Variants in CPED1 observed in about 807,000 individuals in gnomAD.
CPED1 encodes the protein cadherin-like and PC-esterase domain-containing protein 1.
In CPED1, 114 loss-of-function variants were observed where a neutral mutation model predicts 128.2. That is an observed-to-expected ratio of 0.89 (90% CI 0.76 to 1.04). The LOEUF is 1.04. Among genes scored for constraint, CPED1 ranks in the 50% least tolerant of loss-of-function variants. The pLI is 0.00. For missense variants in CPED1, 1,211 were observed against 1,207.1 expected (o/e 1.00, Z -0.05); for synonymous variants, 462 against 426.7 (o/e 1.08, Z -1.02).
chr7:121,035,344 A>G (rs1476333090), intron 3 of CPED1, among the ~76,000 whole-genome samples: 3 of 152,222 alleles, frequency 2.0e-5, no homozygotes, highest in Admixed American at 2.0e-4. Flanking sequence ...ACTAGCTAGA[A>G]GACTTTGCAG....
At chr7:121,111,632 G>A (rs1795110901) in intron 7 of CPED1, among the ~76,000 whole-genome samples, 1 of 152,194 alleles carries the variant, frequency 6.6e-6, no homozygotes, top group African/African-American at 2.4e-5. Context: ...ATGGAAGCCA[G>A]AGTGAAGTTA....
chr7:121,236,653 ATTTTAT>A, intron 16 of CPED1, 55 bp from the exon 17 acceptor site: 2 of 1,029,778 alleles, frequency 1.9e-6, no homozygotes, highest in African/African-American at 3.2e-5. Context: ...TATTTTTTAG[ATTTTAT>A]TATTATGGGT....
At chr7:121,188,448 G>A (rs1408399751) in intron 16 of CPED1, among the ~76,000 whole-genome samples, 1 of 152,028 alleles carries the variant, frequency 6.6e-6, no homozygotes, top group East Asian at 1.9e-4. Context: ...ATTTTAAAAT[G>A]TACAATTCAG....
chr7:120,995,764 A>G (rs1320518250), intron 2 of CPED1, among the ~76,000 whole-genome samples: 1 of 151,960 alleles, frequency 6.6e-6, no homozygotes, highest in African/African-American at 2.4e-5. Flanking sequence ...TCCTCACCAA[A>G]TCCATCTGGC....
intron 7 of CPED1, among the ~76,000 whole-genome samples, chr7:121,100,624 A>G (rs1278502434): frequency 6.6e-6 from 1 of 152,170 alleles, no homozygotes; most frequent in African/African-American, 2.4e-5. Flanking sequence ...ATAATCCCAA[A>G]AAGTTTAATA....
rs1795883222 is a variant in CPED1, at chr7:121,140,773, AG to A, written c.1700-53del. 51 of 1,251,204 alleles carry A rather than the reference AG, an allele frequency of 4.1e-5. 3 individuals carry two copies. The South Asian group carries it at 6.8e-4, about 17-fold the overall frequency. 77.5% of individuals were successfully genotyped at this position (1,251,204 alleles called of 1,614,324 possible). A position where few individuals can be genotyped will look rare whatever the true frequency, so the allele number is the denominator to read the frequency against. ...AAAAACCTAATCATATATTATTTAAAGATATTTACCCACTTCACAGTTGTCT... is the reference window on the plus strand; with the variant it reads ...AAAAACCTAATCATATATTATTTAAAATATTTACCCACTTCACAGTTGTCT... On this transcript the variant is annotated intron_variant, in intron 14 of 22. Transcript: ENST00000310396.
chr7:121,121,874 T>G (rs1158780109), intron 7 of CPED1, among the ~76,000 whole-genome samples: 1 of 152,226 alleles, frequency 6.6e-6, no homozygotes, highest in Admixed American at 6.5e-5. Context: ...CTCACAGAAC[T>G]CATGTAATTT....
At chr7:120,994,660 T>TGTGTGTG (rs60506801) in intron 2 of CPED1, among the ~76,000 whole-genome samples, 24 of 127,386 alleles carry the variant, frequency 1.9e-4, no homozygotes, top group South Asian at 2.6e-4. Context: ...TGTGTGTGTG[T>TGTGTGTG]TGTTGTTGTT....
intron 7 of CPED1, among the ~76,000 whole-genome samples, chr7:121,121,081 A>G (rs1795374799): frequency 6.6e-6 from 1 of 151,986 alleles, no homozygotes; most frequent in Admixed American, 6.6e-5. Context: ...AGATCAATTC[A>G]CTCAAGCAAG....
intron 18 of CPED1, 130 bp from the exon 19 acceptor site, chr7:121,266,096 TA>T: frequency 1.5e-6 from 1 of 673,402 alleles, no homozygotes; most frequent in Non-Finnish European, 2.6e-6. Flanking sequence ...ATGTTATTTC[TA>T]ACAATTTGAA....
intron 3 of CPED1, among the ~76,000 whole-genome samples, chr7:121,035,849 TAA>T (rs5887007): frequency 3.0e-4 from 46 of 151,104 alleles, no homozygotes; most frequent in South Asian, 2.9e-3. Context: ...ATAATAATAA[TAA>T]AAAAAAATAA....
intron 7 of CPED1, among the ~76,000 whole-genome samples, chr7:121,100,661 T>G (rs2116226629): frequency 6.6e-6 from 1 of 152,300 alleles, no homozygotes; most frequent in South Asian, 2.1e-4. Context: ...TCAGGTCAAC[T>G]TGGCTGAAAA....
At chr7:121,041,189 T>A (rs1262186395) in intron 3 of CPED1, among the ~76,000 whole-genome samples, 1 of 152,126 alleles carries the variant, frequency 6.6e-6, no homozygotes, top group Admixed American at 6.6e-5. Context: ...GATTTAATTA[T>A]AATTGTTTGC....
chr7:121,015,334 C>T (rs1792272398), intron 2 of CPED1, among the ~76,000 whole-genome samples: 1 of 152,172 alleles, frequency 6.6e-6, no homozygotes, highest in Admixed American at 6.5e-5. Flanking sequence ...TTTATAAAAG[C>T]ACAGTGCAGA....
At chr7:121,261,910 AT>A in intron 18 of CPED1, 1 of 566,388 alleles carries the variant, frequency 1.8e-6, no homozygotes, top group Non-Finnish European at 3.1e-6. Flanking sequence ...CCATTTTATA[AT>A]AAGCCTATTG....
rs554200187 is a variant in CPED1 at position 121,037,397 on chromosome 7, TC to T, written c.434-9488del. On this transcript the variant is annotated intron_variant, in intron 3 of 22. Transcript: ENST00000310396. ...CCAGCACCATTTGTTGAATAGGGTG[TC>T]CTTTCCACACTTTATGTTTTTGTTT... 2.6e-3 allele frequency among the ~76,000 whole-genome samples: 402 copies of T among 152,318 alleles called. 1 individual carries two copies. Among genetic ancestry groups the T allele is most frequent in the African/African-American group, 9.2e-3 (382 of 41,570 alleles).
At chr7:121,010,581 T>C (rs988431913) in intron 2 of CPED1, among the ~76,000 whole-genome samples, 9 of 152,194 alleles carry the variant, frequency 5.9e-5, no homozygotes, top group Non-Finnish European at 1.0e-4. Flanking sequence ...ACTTTATTAC[T>C]TTTTTATCTC....
chr7:121,107,625 A>C lies in CPED1; in HGVS notation c.918+7531A>C, dbSNP rs577386967. On this transcript the variant is annotated intron_variant, in intron 7 of 22. Coordinates refer to ENST00000310396, the MANE Select transcript of CPED1 (RefSeq NM_024913.5). The stretch of plus-strand genomic sequence containing the variant: ...AAGTAATAACAGTGAAAATAATGGC[A>C]GTAATTGTCTCCAAAAATTAATCGC... 9.2e-5 allele frequency among the ~76,000 whole-genome samples: 14 copies of C among 152,242 alleles called. No individual in the cohort carries two copies. The East Asian group carries it at 1.9e-3, about 21-fold the overall frequency.
chr7:121,093,397 TACACAC>T (rs10526224), intron 5 of CPED1, among the ~76,000 whole-genome samples: 7 of 145,470 alleles, frequency 4.8e-5, no homozygotes, highest in African/African-American at 1.0e-4. Context: ...CCTTTTTCTG[TACACAC>T]ACACACACAC....
Sources: allele counts gnomAD v4.1 joint callset (sites outside exome capture counted in the v4.1 genomes callset), GRCh38; gene constraint gnomAD v4.1.1; transcripts MANE v1.5; gene names NCBI Gene and HGNC (gene_info 2026-07-23, HGNC 2026-07-21).